Variants in ZNF341 observed in about 807,000 individuals in gnomAD.
The protein encoded by ZNF341 is zinc finger protein 341.
ZNF341 carries 52 observed loss-of-function variants against 87.7 expected under a neutral mutation model. The ratio of observed to expected loss-of-function variants is 0.59; its 90% CI spans 0.47 to 0.75. The LOEUF is 0.75. ZNF341 is among the 30% of genes least tolerant of loss of function. ZNF341 has a pLI of 0.00. For missense variants in ZNF341, 977 were observed against 1,145.9 expected (o/e 0.85, Z 2.13); for synonymous variants, 459 against 472.7 (o/e 0.97, Z 0.38).
intron 1 of ZNF341, among the ~76,000 whole-genome samples, chr20:33,735,630 A>G (rs879278965): frequency 6.6e-6 from 1 of 152,212 alleles, no homozygotes; most frequent in East Asian, 1.9e-4. Context: ...CATTTGTTTA[A>G]ATTTTTTTAT....
intron 10 of ZNF341, among the ~76,000 whole-genome samples, chr20:33,780,784 A>T (rs2019725781): frequency 6.6e-6 from 1 of 151,112 alleles, no homozygotes; most frequent in Non-Finnish European, 1.5e-5. Context: ...TGGCATAATC[A>T]TGGCTCACTG....
At chr20:33,767,172 G>A (rs928654684) in intron 9 of ZNF341, 131 bp downstream of exon 9, 8 of 1,119,502 alleles carry the variant, frequency 7.1e-6, no homozygotes, top group Middle Eastern at 3.1e-4. Flanking sequence ...TATTCCCCCC[G>A]GGTTAGATTC....
At chr20:33,750,082 A>G (rs894827074) in intron 4 of ZNF341, among the ~76,000 whole-genome samples, 1 of 152,164 alleles carries the variant, frequency 6.6e-6, no homozygotes, top group Non-Finnish European at 1.5e-5. Context: ...TCCCATGTCT[A>G]TTAGAAAAAT....
intron 10 of ZNF341, among the ~76,000 whole-genome samples, chr20:33,776,277 G>A (rs2019625339): frequency 6.6e-6 from 1 of 151,338 alleles, no homozygotes. Flanking sequence ...ACTTTTTGTA[G>A]AAACAGGGTT....
At chr20:33,769,380 G>C (rs1021534029) in intron 9 of ZNF341, among the ~76,000 whole-genome samples, 28 of 150,222 alleles carry the variant, frequency 1.9e-4, no homozygotes, top group Non-Finnish European at 3.0e-4. Context: ...GGTGGTGGGG[G>C]GGGGGGCAGT....
chr20:33,791,558 C>T lies in ZNF341; in HGVS notation c.*41C>T, dbSNP rs1444996036. 6 of 1,499,676 alleles carry T rather than the reference C, an allele frequency of 4.0e-6. No homozygotes were observed. Among genetic ancestry groups the T allele is most frequent in the Non-Finnish European group, 5.3e-6 (6 of 1,128,932 alleles). The allele number at this position is 1,499,676 out of a possible 1,614,324, so 92.9% of individuals were successfully genotyped here. A position where few individuals can be genotyped will look rare whatever the true frequency, so the allele number is the denominator to read the frequency against. On this transcript the variant is annotated 3_prime_UTR_variant, in exon 15 of 15. Coordinates refer to ENST00000375200, the MANE Select transcript of ZNF341 (RefSeq NM_001282933.2). ...TGTTTCCTGGGCAGGCCTGATGCTC[C>T]TGTTTGGGTCCAGGGCCCCTGGGGG...
intron 10 of ZNF341, 46 bp from the exon 11 acceptor site, chr20:33,781,231 GGCGCTGCTTCCTAT>G: frequency 1.5e-6 from 2 of 1,343,740 alleles, no homozygotes; most frequent in Non-Finnish European, 2.1e-6. Context: ...GGGTGGCCGG[GGCGCTGCTTCCTAT>G]GCCTGCTGTG....
intron 9 of ZNF341, among the ~76,000 whole-genome samples, chr20:33,769,860 G>A (rs912295550): frequency 1.3e-5 from 2 of 152,192 alleles, no homozygotes; most frequent in South Asian, 2.1e-4. Context: ...GCAGTGAGCC[G>A]AGATTGTACC....
At chr20:33,785,174 T>C (rs2122734761) in intron 12 of ZNF341, among the ~76,000 whole-genome samples, 1 of 152,232 alleles carries the variant, frequency 6.6e-6, no homozygotes, top group Non-Finnish European at 1.5e-5. Context: ...ATAAACTCCC[T>C]CTCACTTCAG....
chr20:33,752,319 C>T, intron 4 of ZNF341: 1 of 613,174 alleles, frequency 1.6e-6, no homozygotes, highest in Non-Finnish European at 3.1e-6. Flanking sequence ...TTCTTTATTC[C>T]TTTGTCTCAG....
At position 33,766,858 on chromosome 20, in the gene ZNF341, C is replaced by T; in HGVS notation, c.1230C>T (p.Gly410=). 2 of 1,608,232 alleles carry T rather than the reference C, an allele frequency of 1.2e-6. No individual in the cohort carries two copies. The highest frequency in any genetic ancestry group is 1.7e-6 in the Non-Finnish European group (2 of 1,176,860). Residue 410 remains glycine, a synonymous_variant, in exon 9 of 15, where the codon GGC becomes GGT. Transcript: ENST00000375200. ...RQEDEESTGL[G]QPLPGAPQPQ... The stretch of plus-strand genomic sequence containing the variant: ...CCCTGGCTTTCTCCACAGGGTTGGG[C>T]CAGCCCCTGCCGGGTGCGCCACAGC...
intron 8 of ZNF341, among the ~76,000 whole-genome samples, chr20:33,764,918 C>T (rs1369033262): frequency 6.6e-6 from 1 of 151,728 alleles, no homozygotes; most frequent in African/African-American, 2.4e-5. Flanking sequence ...CCTCGAACTC[C>T]CGGACTCAAG....
chr20:33,740,986 A>T lies in ZNF341; in HGVS notation c.116A>T (p.Asn39Ile). Residue 39 changes from asparagine to isoleucine, a missense_variant, in exon 2 of 15, where the codon AAT (asparagine) becomes ATT (isoleucine). Around this residue, in one of 3 missense-constraint regions of ZNF341, gnomAD observed 515 missense variants for 598.2 expected, o/e 0.86. Coordinates refer to ENST00000375200, the MANE Select transcript of ZNF341 (RefSeq NM_001282933.2). ...CCTGATCCGACAGGCCAGAGTGTCA[A>T]TGCGCCCCCTGCTATCCAGCCATTG... ...AVPDPTGQSV[N>I]APPAIQPLDD... 6.2e-7 allele frequency: 1 copy of T among 1,614,092 alleles called. No individual in the cohort carries two copies. Among genetic ancestry groups the T allele is most frequent in the Non-Finnish European group, 8.5e-7 (1 of 1,180,016 alleles).
At chr20:33,772,010 TAAAAAAAAAAAA>T (rs57345366) in intron 10 of ZNF341, among the ~76,000 whole-genome samples, 1 of 56,168 alleles carries the variant, frequency 1.8e-5, no homozygotes, top group African/African-American at 7.7e-5. Context: ...ACGCTTGTCT[TAAAAAAAAAAAA>T]AAAAAAAAAA....
chr20:33,752,500 G>T (rs922633339), intron 4 of ZNF341: 3 of 502,110 alleles, frequency 6.0e-6, no homozygotes, highest in South Asian at 1.7e-5. Context: ...ATTGATGGCC[G>T]AATGACCCTT....
At chr20:33,740,768 A>G (rs1352651638) in intron 1 of ZNF341, 134 bp from the exon 2 acceptor site, 17 of 682,972 alleles carry the variant, frequency 2.5e-5, no homozygotes, top group Non-Finnish European at 2.0e-5. Context: ...TTAGCCTCCC[A>G]TGGTGCTGGG....
rs1369608210 is a variant in ZNF341 at position 33,788,980 on chromosome 20, TAG to T, written c.1964+10_1964+11del. On this transcript the variant is annotated splice_region_variant and intron_variant, in intron 13 of 14. Coordinates refer to ENST00000375200, the MANE Select transcript of ZNF341 (RefSeq NM_001282933.2). Reference sequence around the variant, plus strand: ...AAATACAAATGCCCTTTCTCGTGAGTAGAGACTGCCATGCAGGGGGGTGGGTA... The same window carrying T: ...AAATACAAATGCCCTTTCTCGTGAGTAGACTGCCATGCAGGGGGGTGGGTA... 6.2e-7 allele frequency: 1 copy of T among 1,610,278 alleles called. No individual in the cohort carries two copies. Among genetic ancestry groups the T allele is most frequent in the Non-Finnish European group, 8.5e-7 (1 of 1,177,132 alleles).
intron 6 of ZNF341, among the ~76,000 whole-genome samples, chr20:33,757,631 C>G (rs2019207234): frequency 6.6e-6 from 1 of 152,156 alleles, no homozygotes. Context: ...ATCCTGGTGC[C>G]TCATTGTCTA....
At chr20:33,753,124 G>A (rs957406534) in intron 4 of ZNF341, 48 bp from the exon 5 acceptor site, 3 of 1,610,166 alleles carry the variant, frequency 1.9e-6, no homozygotes, top group Non-Finnish European at 2.5e-6. Flanking sequence ...TGATAAATAA[G>A]ACAACTGGTA....
Sources: gnomAD v4.1 joint callset for allele counts (sites outside exome capture counted in the v4.1 genomes callset) on GRCh38, gnomAD v4.1.1 for gene constraint, gnomAD v4.1.1 regional missense constraint, MANE v1.5 for transcripts, NCBI Gene and HGNC (gene_info 2026-07-23, HGNC 2026-07-21) for gene names.